The following TANC2 variants were observed in gnomAD, a reference collection of about 807,000 sequenced individuals.
TANC2 encodes the protein protein TANC2.
TANC2 carries 26 observed loss-of-function variants against 210.5 expected under a neutral mutation model. The observed-to-expected ratio is 0.12, with a 90% CI of 0.09 to 0.17. TANC2 has a LOEUF of 0.17. Among genes scored for constraint, TANC2 ranks in the 10% least tolerant of loss-of-function variants. The pLI is 1.00. For missense variants in TANC2, 2,129 were observed against 2,608.9 expected, an observed-to-expected ratio of 0.82 and a Z score of 4.01; for synonymous variants, 931 against 967.1, an observed-to-expected ratio of 0.96 and a Z score of 0.69.
intron 4 of TANC2, among the ~76,000 whole-genome samples, chr17:63,114,747 TAAAAA>T (rs1250792379): frequency 1.3e-5 from 2 of 151,988 alleles, no homozygotes; most frequent in African/African-American, 2.4e-5. Context: ...AGAATAAAAA[TAAAAA>T]AGAATGTAAA....
chr17:63,033,236 A>G (rs1327093987), intron 2 of TANC2, among the ~76,000 whole-genome samples: 1 of 152,122 alleles, frequency 6.6e-6, no homozygotes, highest in Non-Finnish European at 1.5e-5. Flanking sequence ...ATCATTGGCC[A>G]TTGGTGATTG....
At chr17:63,175,349 A>G (rs935500623) in intron 5 of TANC2, among the ~76,000 whole-genome samples, 14 of 151,976 alleles carry the variant, frequency 9.2e-5, no homozygotes, top group African/African-American at 3.4e-4. Context: ...CAACCTAGCA[A>G]GATCCGGTCT....
intron 11 of TANC2, among the ~76,000 whole-genome samples, chr17:63,338,480 A>G (rs2046112361): frequency 6.6e-6 from 1 of 152,210 alleles, no homozygotes; most frequent in African/African-American, 2.4e-5. Flanking sequence ...TTGAAGTGAA[A>G]TATGATGAAA....
chr17:63,013,069 T>A (rs1020912629), intron 2 of TANC2, among the ~76,000 whole-genome samples: 2 of 152,020 alleles, frequency 1.3e-5, no homozygotes, highest in African/African-American at 4.8e-5. Flanking sequence ...TTTTCTTTTT[T>A]TTTTTTTAAG....
intron 9 of TANC2, among the ~76,000 whole-genome samples, 158 bp from the exon 10 acceptor site, chr17:63,314,228 CTG>C (rs1343081604): frequency 6.6e-6 from 1 of 152,206 alleles, no homozygotes; most frequent in Non-Finnish European, 1.5e-5. Context: ...TGTTGCTTAT[CTG>C]TATAGAATCA....
At chr17:63,152,580 T>C (rs2039690669) in intron 5 of TANC2, 1 of 152,198 alleles carries the variant, frequency 6.6e-6, no homozygotes, top group African/African-American at 2.4e-5. Context: ...AAAGTAGTTC[T>C]TTAAATGGTA....
rs988814294 is a variant in TANC2 at position 63,015,938 on chromosome 17, A to G, written c.67+6312A>G. Among the ~76,000 whole-genome samples, 157 of 146,908 alleles carry G rather than the reference A, an allele frequency of 1.1e-3. 1 individual carries two copies. Among genetic ancestry groups the G allele is most frequent in the Non-Finnish European group, 3.0e-4 (20 of 67,334 alleles). On this transcript the variant is annotated intron_variant, in intron 2 of 27. Coordinates refer to ENST00000689528, the Ensembl canonical transcript of TANC2. ...TCAAGTAATGCCGTTGTTTGATATCATTGTGTCATTGTTTTGGTAAATCAT... is the reference window on the plus strand; with the variant it reads ...TCAAGTAATGCCGTTGTTTGATATCGTTGTGTCATTGTTTTGGTAAATCAT...
At chr17:63,399,673 G>A (rs1033516742) in intron 19 of TANC2, among the ~76,000 whole-genome samples, 1 of 152,204 alleles carries the variant, frequency 6.6e-6, no homozygotes, top group African/African-American at 2.4e-5. Flanking sequence ...AGGAGAAGTA[G>A]ACCAATATTG....
Position 63,340,349 on chromosome 17 carries a change from A to C in TANC2, c.1807+17A>C. 1 of 1,604,578 alleles carries C rather than the reference A, an allele frequency of 6.2e-7. No homozygotes were observed. The highest frequency in any genetic ancestry group is 1.1e-5 in the South Asian group (1 of 90,454). ...TCCATAAAGGTACAGATAAGGCCCA[A>C]AGGAGGGGAAAGATGGAGGTTTAGA... On this transcript the variant is annotated intron_variant, in intron 12 of 27. Transcript: ENST00000689528.
At chr17:63,031,423 A>G (rs1159263526) in intron 2 of TANC2, among the ~76,000 whole-genome samples, 1 of 152,150 alleles carries the variant, frequency 6.6e-6, no homozygotes, top group Non-Finnish European at 1.5e-5. Context: ...AAGCCTGGCT[A>G]TACTATTTGC....
At chr17:63,204,284 C>CA (rs760772255) in intron 7 of TANC2, among the ~76,000 whole-genome samples, 3,848 of 128,404 alleles carry the variant, frequency 0.03, 128 homozygotes, top group African/African-American at 0.095. Context: ...ACCAAGGAGG[C>CA]AAAAAAAAAA....
exon 28 of TANC2, chr17:63,426,508 A>G (rs2049147472): frequency 6.6e-6 from 1 of 152,228 alleles, no homozygotes; most frequent in African/African-American, 2.4e-5. Context: ...AGTGTTGGTA[A>G]CCTTCATTTC....
intron 5 of TANC2, among the ~76,000 whole-genome samples, chr17:63,164,533 G>A (rs1042072368): frequency 1.3e-5 from 2 of 152,154 alleles, no homozygotes; most frequent in African/African-American, 4.8e-5. Flanking sequence ...ATAGGTTATA[G>A]ATAAAGATAC....
intron 17 of TANC2, among the ~76,000 whole-genome samples, chr17:63,392,622 T>A (rs1386616985): frequency 6.6e-6 from 1 of 152,186 alleles, no homozygotes; most frequent in Non-Finnish European, 1.5e-5. Flanking sequence ...ACCATCCCCT[T>A]AGCTTTTGTA....
rs1014614809 is a variant in TANC2 at position 62,999,881 on chromosome 17, C to T, written c.-23-9656C>T. ...ACTGGATAAAGAAAATGTATATATG[C>T]ACCATGTAATACTATGCAGGCATAA... On this transcript the variant is annotated intron_variant, in intron 1 of 27. Transcript: ENST00000689528. Among the ~76,000 whole-genome samples the T allele has an allele frequency of 5.9e-5, 9 of 152,300 alleles. 1 individual carries two copies. Among genetic ancestry groups the T allele is most frequent in the Non-Finnish European group, 1.3e-4 (9 of 68,030 alleles).
At chr17:63,373,775 G>A (rs2047340434) in intron 14 of TANC2, among the ~76,000 whole-genome samples, 1 of 152,176 alleles carries the variant, frequency 6.6e-6, no homozygotes, top group Non-Finnish European at 1.5e-5. Flanking sequence ...GAGGTCAGGA[G>A]TTCAAGGCCA....
intron 14 of TANC2, among the ~76,000 whole-genome samples, chr17:63,358,375 G>A (rs76964029): frequency 3.6e-5 from 3 of 84,386 alleles, no homozygotes; most frequent in Non-Finnish European, 7.6e-5. Context: ...GAGAGAGAGA[G>A]AGTATGTGTG....
chr17:63,063,674 TTGTGTG>T (rs371281397), intron 2 of TANC2, among the ~76,000 whole-genome samples: 3 of 137,500 alleles, frequency 2.2e-5, no homozygotes, highest in African/African-American at 8.1e-5. Context: ...TTACCCAGTA[TTGTGTG>T]TGTGTGTGTG....
At chr17:63,136,388 TA>T (rs2039089486) in intron 4 of TANC2, among the ~76,000 whole-genome samples, 1 of 152,210 alleles carries the variant, frequency 6.6e-6, no homozygotes, top group Non-Finnish European at 1.5e-5. Context: ...TATTCTGAGT[TA>T]CCTTGGATAC....
Sources: gnomAD v4.1 joint callset for allele counts (sites outside exome capture counted in the v4.1 genomes callset) on GRCh38, gnomAD v4.1.1 for gene constraint, MANE v1.5 for transcripts, NCBI Gene and HGNC (gene_info 2026-07-23, HGNC 2026-07-21) for gene names.